Variants in CEP112 observed in about 807,000 individuals in gnomAD.
The protein encoded by CEP112 is centrosomal protein of 112 kDa.
A neutral mutation model predicts 153.0 loss-of-function variants in CEP112; 127 were observed. That is an observed-to-expected ratio of 0.83 (90% CI 0.72 to 0.96). The LOEUF (loss-of-function observed/expected upper bound fraction) is 0.96. Among genes scored for constraint, CEP112 ranks in the 40% least tolerant of loss-of-function variants. The pLI is 0.00. For synonymous variants in CEP112, 358 were observed against 374.4 expected, an observed-to-expected ratio of 0.96 and a Z score of 0.51; for missense variants, 1,089 against 1,101.2, an observed-to-expected ratio of 0.99 and a Z score of 0.16.
chr17:65,926,610 G>A (rs2060934599), intron 19 of CEP112, among the ~76,000 whole-genome samples: 1 of 152,064 alleles, frequency 6.6e-6, no homozygotes, highest in Admixed American at 6.5e-5. Context: ...CTACTTGGGA[G>A]GCTGAGGCAG....
intron 1 of CEP112, among the ~76,000 whole-genome samples, chr17:66,188,687 AG>A (rs1396697004): frequency 7.3e-5 from 11 of 151,180 alleles, no homozygotes; most frequent in Non-Finnish European, 1.2e-4. Flanking sequence ...CATCTTAGTA[AG>A]TACCTAGCTT....
intron 23 of CEP112, among the ~76,000 whole-genome samples, chr17:65,702,321 A>G (rs1319421828): frequency 6.6e-6 from 1 of 152,136 alleles, no homozygotes; most frequent in African/African-American, 2.4e-5. Flanking sequence ...TATCCTGTCA[A>G]GGTTAAAATT....
rs1307510036 is a variant in CEP112, at chr17:65,686,861, C to T, written c.2697+2268G>A. On this transcript the variant is annotated intron_variant, in intron 24 of 26. Coordinates refer to ENST00000535342, the MANE Select transcript of CEP112 (RefSeq NM_001199165.4). Reference sequence around the variant, plus strand: ...AGTTTACTTTCTCTATCATTGCTATCCAGTTTTTTTTTTATTTGCTAGATA... The same window carrying T: ...AGTTTACTTTCTCTATCATTGCTATTCAGTTTTTTTTTTATTTGCTAGATA... Among the ~76,000 whole-genome samples the T allele has an allele frequency of 8.1e-5, 7 of 86,296 alleles. No homozygotes were observed. In the East Asian group the frequency reaches 5.6e-3, roughly 70 times the overall value. The allele number at this position is 86,296 out of a possible 152,430, so 56.6% of individuals were successfully genotyped here.
At chr17:66,072,141 TA>T (rs1478041739) in intron 8 of CEP112, among the ~76,000 whole-genome samples, 2 of 152,148 alleles carry the variant, frequency 1.3e-5, no homozygotes, top group African/African-American at 4.8e-5. Flanking sequence ...TCTATATATA[TA>T]AATGCATACA....
chr17:66,151,132 A>G (rs959657428), intron 4 of CEP112, among the ~76,000 whole-genome samples: 1 of 150,880 alleles, frequency 6.6e-6, no homozygotes. Context: ...TGCTTTTTTT[A>G]TCCAATCCAA....
At chr17:66,126,279 C>A (rs1435755710) in intron 6 of CEP112, among the ~76,000 whole-genome samples, 1 of 152,138 alleles carries the variant, frequency 6.6e-6, no homozygotes, top group Non-Finnish European at 1.5e-5. Context: ...TTCCAATATT[C>A]CTGACATAGA....
At chr17:65,936,266 G>A (rs778788111) in intron 18 of CEP112, among the ~76,000 whole-genome samples, 5 of 152,110 alleles carry the variant, frequency 3.3e-5, no homozygotes, top group Non-Finnish European at 7.3e-5. Context: ...TCAACAAAGA[G>A]AAGCTCAGGA....
intron 4 of CEP112, among the ~76,000 whole-genome samples, chr17:66,140,181 T>C (rs539626405): frequency 1.3e-5 from 2 of 152,340 alleles, no homozygotes; most frequent in East Asian, 3.9e-4. Flanking sequence ...AGAGATTATA[T>C]GATCATTTGG....
At chr17:65,816,022 T>C (rs1164952340) in intron 21 of CEP112, among the ~76,000 whole-genome samples, 2 of 152,096 alleles carry the variant, frequency 1.3e-5, no homozygotes, top group African/African-American at 4.8e-5. Flanking sequence ...ATAAAGTGAA[T>C]AGAAGTGGTA....
intron 2 of CEP112, among the ~76,000 whole-genome samples, chr17:66,180,583 A>G (rs2072680445): frequency 6.6e-6 from 1 of 152,164 alleles, no homozygotes; most frequent in African/African-American, 2.4e-5. Context: ...TAACATCTTT[A>G]AAAATAATTG....
chr17:65,692,764 C>A (rs181180645), intron 23 of CEP112, among the ~76,000 whole-genome samples: 73 of 152,270 alleles, frequency 4.8e-4, no homozygotes, highest in Middle Eastern at 6.8e-3. Context: ...GGGTGGCATG[C>A]AACTGCAGCT....
At chr17:65,787,141 G>C (rs1368987781) in intron 21 of CEP112, among the ~76,000 whole-genome samples, 1 of 152,172 alleles carries the variant, frequency 6.6e-6, no homozygotes, top group African/African-American at 2.4e-5. Flanking sequence ...TGTGGTAGGA[G>C]GGAAATACTT....
At chr17:65,640,155 T>TATA (rs1491163281) in intron 25 of CEP112, among the ~76,000 whole-genome samples, 17 of 24,978 alleles carry the variant, frequency 6.8e-4, no homozygotes, top group Non-Finnish European at 8.3e-4. Flanking sequence ...TATATATATA[T>TATA]TTTTTTTTTT....
chr17:65,743,052 G>GC lies in CEP112; in HGVS notation c.2607+15_2607+16insG, dbSNP rs1283769946. Reference sequence around the variant, plus strand: ...AAAGCAGCTGGTACCACTGGTTACTGAAGTCTTCAGATTACCTTGATTGCT... The same window carrying GC: ...AAAGCAGCTGGTACCACTGGTTACTGCAAGTCTTCAGATTACCTTGATTGCT... On this transcript the variant is annotated intron_variant, in intron 23 of 26. Coordinates refer to ENST00000535342, the MANE Select transcript of CEP112 (RefSeq NM_001199165.4). 6.3e-7 allele frequency: 1 copy of GC among 1,591,762 alleles called. No individual in the cohort carries two copies. Among genetic ancestry groups the GC allele is most frequent in the African/African-American group, 1.3e-5 (1 of 74,230 alleles).
intron 23 of CEP112, among the ~76,000 whole-genome samples, chr17:65,718,298 C>T (rs2049663376): frequency 6.6e-6 from 1 of 151,656 alleles, no homozygotes; most frequent in African/African-American, 2.4e-5. Context: ...ATCCCAACTA[C>T]TCAGGAGGCT....
At chr17:65,952,215 G>C (rs1475258218) in intron 18 of CEP112, among the ~76,000 whole-genome samples, 2 of 152,088 alleles carry the variant, frequency 1.3e-5, no homozygotes, top group Non-Finnish European at 2.9e-5. Flanking sequence ...CCAAGTCTCA[G>C]ACTTACCCAT....
chr17:65,767,352 C>T (rs943513316), intron 21 of CEP112, among the ~76,000 whole-genome samples: 4 of 151,894 alleles, frequency 2.6e-5, no homozygotes, highest in Admixed American at 6.6e-5. Context: ...AATGAAAACA[C>T]AACATACCAA....
chr17:66,139,053 G>A (rs2070569324), intron 4 of CEP112, among the ~76,000 whole-genome samples: 1 of 151,858 alleles, frequency 6.6e-6, no homozygotes, highest in Non-Finnish European at 1.5e-5. Context: ...CAACCTAGAT[G>A]CACACCTTAA....
intron 23 of CEP112, among the ~76,000 whole-genome samples, chr17:65,734,454 G>A (rs761423782): frequency 5.3e-5 from 8 of 152,056 alleles, no homozygotes; most frequent in Non-Finnish European, 1.0e-4. Context: ...CATCTACTGA[G>A]TTTATCATAT....
Sources: allele counts gnomAD v4.1 joint callset (sites outside exome capture counted in the v4.1 genomes callset), GRCh38; gene constraint gnomAD v4.1.1; transcripts MANE v1.5; gene names NCBI Gene and HGNC (gene_info 2026-07-23, HGNC 2026-07-21).